Variants in CRIM1 observed in about 807,000 individuals in gnomAD.
CRIM1 encodes cysteine rich transmembrane BMP regulator 1.
CRIM1 carries 32 observed loss-of-function variants against 116.4 expected under a neutral mutation model. The observed-to-expected ratio is 0.27, with a 90% confidence interval of 0.21 to 0.37. CRIM1 has a LOEUF of 0.37. Ranked by LOEUF, CRIM1 falls within the 10% of genes least tolerant of loss-of-function variation. CRIM1 has a pLI of 1.00. For synonymous variants in CRIM1, 590 were observed against 509.2 expected (o/e 1.16, Z -2.13); for missense variants, 1,331 against 1,354.8 (o/e 0.98, Z 0.28).
intron 9 of CRIM1, among the ~76,000 whole-genome samples, chr2:36,511,547 C>T (rs1290347502): frequency 6.6e-6 from 1 of 152,174 alleles, no homozygotes; most frequent in Non-Finnish European, 1.5e-5. Flanking sequence ...GCTACAGTAT[C>T]ATGACAGTTC....
chr2:36,441,187 C>T (rs1377983133), intron 2 of CRIM1, 71 bp from the exon 3 acceptor site: 1 of 1,590,902 alleles, frequency 6.3e-7, no homozygotes, highest in East Asian at 2.2e-5. Context: ...ATCATCAGGA[C>T]TGTTTGTTCT....
chr2:36,368,840 A>AT (rs1007101124), intron 1 of CRIM1, among the ~76,000 whole-genome samples: 8 of 151,994 alleles, frequency 5.3e-5, no homozygotes, highest in Non-Finnish European at 1.0e-4. Flanking sequence ...GCTCCAGAAA[A>AT]TTTTTTTTCA....
At chr2:36,399,050 G>A (rs1672238091) in intron 2 of CRIM1, among the ~76,000 whole-genome samples, 1 of 152,194 alleles carries the variant, frequency 6.6e-6, no homozygotes, top group African/African-American at 2.4e-5. Flanking sequence ...AGAAAATGTG[G>A]AAGTGGGAAT....
chr2:36,538,148 G>T (rs773007375), intron 14 of CRIM1, among the ~76,000 whole-genome samples: 1 of 151,850 alleles, frequency 6.6e-6, no homozygotes, highest in South Asian at 2.1e-4. Flanking sequence ...CTTTCCCCAC[G>T]CCCCACTCTT....
chr2:36,404,583 C>A (rs74383849), intron 2 of CRIM1, among the ~76,000 whole-genome samples: 2,483 of 152,246 alleles, frequency 0.016, 88 homozygotes, highest in African/African-American at 0.055. Context: ...TGCCATGTGC[C>A]ACTACACCTC....
chr2:36,456,804 T>A (rs1455178207), intron 4 of CRIM1, among the ~76,000 whole-genome samples: 3 of 151,832 alleles, frequency 2.0e-5, no homozygotes, highest in African/African-American at 7.3e-5. Flanking sequence ...ACCGCTGGGG[T>A]TGAGTCCCTT....
chr2:36,416,754 C>G (rs370425451), intron 2 of CRIM1, among the ~76,000 whole-genome samples: 9 of 152,314 alleles, frequency 5.9e-5, no homozygotes, highest in African/African-American at 2.2e-4. Context: ...CCTCCAGAAA[C>G]CAAAGACAGA....
chr2:36,384,080 G>A (rs1048627606), intron 1 of CRIM1, among the ~76,000 whole-genome samples: 16 of 152,194 alleles, frequency 1.1e-4, no homozygotes, highest in African/African-American at 3.9e-4. Context: ...GCTGAGAAAG[G>A]GGACAGAGAC....
intron 4 of CRIM1, among the ~76,000 whole-genome samples, chr2:36,451,337 T>G (rs1195448811): frequency 6.6e-6 from 1 of 152,030 alleles, no homozygotes; most frequent in Non-Finnish European, 1.5e-5. Flanking sequence ...AAGGAAAGAA[T>G]CAATTAATAG....
At chr2:36,461,518 G>T (rs987190002) in intron 4 of CRIM1, among the ~76,000 whole-genome samples, 1 of 152,182 alleles carries the variant, frequency 6.6e-6, no homozygotes, top group African/African-American at 2.4e-5. Flanking sequence ...AAAACACAGA[G>T]AACAGGAAAC....
rs1677059684 is a variant in CRIM1, at chr2:36,455,420, C to T, written c.870-9114C>T. On this transcript the variant is annotated intron_variant, in intron 4 of 16. Transcript: ENST00000280527. ...ATGATATGTGGGTACTTTAATCATCCCCACTGTACATAGGCTACAATTGAG... is the reference window on the plus strand; with the variant it reads ...ATGATATGTGGGTACTTTAATCATCTCCACTGTACATAGGCTACAATTGAG... Among the ~76,000 whole-genome samples, 3 of 152,096 alleles carry T rather than the reference C, an allele frequency of 2.0e-5. No homozygotes were observed. The South Asian group carries it at 6.2e-4, about 32-fold the overall frequency.
At chr2:36,480,349 T>G (rs1679312791) in intron 7 of CRIM1, among the ~76,000 whole-genome samples, 1 of 152,224 alleles carries the variant, frequency 6.6e-6, no homozygotes, top group South Asian at 2.1e-4. Flanking sequence ...CATACTTAAC[T>G]CATGTCAGTC....
chr2:36,443,069 A>G (rs1362040085), intron 4 of CRIM1, among the ~76,000 whole-genome samples: 1 of 152,192 alleles, frequency 6.6e-6, no homozygotes, highest in Non-Finnish European at 1.5e-5. Context: ...TAGACACATC[A>G]TTTGATCCTC....
rs1668773808 is a variant in CRIM1 at position 36,356,102 on chromosome 2, G to A, written c.-191G>A. The A allele has an allele frequency of 6.4e-6, 1 of 156,558 alleles. No homozygotes were observed. Among genetic ancestry groups the A allele is most frequent in the African/African-American group, 2.4e-5 (1 of 41,350 alleles). The allele number at this position is 156,558 out of a possible 1,614,324, so 9.7% of individuals were successfully genotyped here. A position where few individuals can be genotyped will look rare whatever the true frequency, so the allele number is the denominator to read the frequency against. ...CGGCGCCAAGGCTCGTGGGCTCGGG[G>A]TCGGCGCGGCCCGCAGAAGGGGCGG... On this transcript the variant is annotated 5_prime_UTR_variant, in exon 1 of 17. Transcript: ENST00000280527. This position sits in a 1 kb window ranked among gnomAD's most constrained non-coding sequence, Gnocchi z 4.3.
chr2:36,515,243 A>T (rs2125117290), intron 11 of CRIM1, among the ~76,000 whole-genome samples: 1 of 152,334 alleles, frequency 6.6e-6, no homozygotes, highest in South Asian at 2.1e-4. Context: ...AAATGCAAAG[A>T]CATTAAGAAT....
rs879836796 is a variant in CRIM1, at chr2:36,512,523, T to C, written c.1780+129T>C. The C allele has an allele frequency of 4.0e-5, 40 of 995,704 alleles. No individual in the cohort carries two copies. The East Asian group carries it at 9.8e-4, about 24-fold the overall frequency. The allele number at this position is 995,704 out of a possible 1,614,324, so 61.7% of individuals were successfully genotyped here. The stretch of plus-strand genomic sequence containing the variant: ...ATTCTAACACAAATGTCAGTCTCTG[T>C]GGGACCGTCCCACAGGACTCCCTTT... On this transcript the variant is annotated intron_variant, in intron 10 of 16. Coordinates refer to ENST00000280527, the MANE Select transcript of CRIM1 (RefSeq NM_016441.3).
chr2:36,493,347 GGT>G (rs763749099), intron 7 of CRIM1, among the ~76,000 whole-genome samples: 2 of 152,150 alleles, frequency 1.3e-5, no homozygotes, highest in Non-Finnish European at 2.9e-5. Context: ...TTAGTGTGTG[GGT>G]GTGTGTGCAT....
chr2:36,465,089 CCTA>C (rs1162783270), intron 5 of CRIM1, among the ~76,000 whole-genome samples: 1 of 152,208 alleles, frequency 6.6e-6, no homozygotes, highest in African/African-American at 2.4e-5. Flanking sequence ...TTAGCATTTT[CCTA>C]CTTAGAACAT....
chr2:36,527,688 C>T (rs991112136), intron 13 of CRIM1, among the ~76,000 whole-genome samples: 6 of 152,186 alleles, frequency 3.9e-5, no homozygotes, highest in African/African-American at 1.4e-4. Context: ...CTCTTTGGAA[C>T]ATCTGTTGGT....
Sources: allele counts gnomAD v4.1 joint callset (sites outside exome capture counted in the v4.1 genomes callset), GRCh38; gene constraint gnomAD v4.1.1; non-coding constraint Gnocchi (gnomAD v3.1); transcripts MANE v1.5; gene names NCBI Gene and HGNC (gene_info 2026-07-23, HGNC 2026-07-21).